STK17B: variants seen among roughly 807,000 people sequenced by gnomAD.
STK17B encodes the protein serine/threonine-protein kinase 17B.
Under a neutral mutation model 42.0 loss-of-function variants are expected in STK17B, and 21 were observed. The ratio of observed to expected loss-of-function variants is 0.50; its 90% CI spans 0.35 to 0.72. The LOEUF is 0.72. STK17B is among the 30% of genes least tolerant of loss of function. The pLI, the probability that STK17B is intolerant of heterozygous loss-of-function variation, is 0.00. For missense variants in STK17B, 349 were observed against 446.0 expected (o/e 0.78, Z 1.96); for synonymous variants, 143 against 148.4 (o/e 0.96, Z 0.26).
intron 3 of STK17B, chr2:196,151,308 A>G (rs1366347339): frequency 6.7e-5 from 10 of 150,244 alleles, no homozygotes; most frequent in Admixed American, 5.3e-4. Context: ...CAGTGGTGTG[A>G]TCTCGGCTCA....
intron 3 of STK17B, among the ~76,000 whole-genome samples, chr2:196,147,554 T>C (rs938142587): frequency 1.4e-4 from 21 of 152,102 alleles, no homozygotes; most frequent in Non-Finnish European, 2.9e-4. Context: ...AATTGAGCAA[T>C]CTAAACACAG....
chr2:196,150,753 T>C (rs961173004), intron 3 of STK17B, among the ~76,000 whole-genome samples: 6 of 152,222 alleles, frequency 3.9e-5, no homozygotes, highest in African/African-American at 9.6e-5. Context: ...GTTTTAAAAT[T>C]TGAATATTAA....
At chr2:196,161,837 G>C (rs1277694529) in intron 2 of STK17B, among the ~76,000 whole-genome samples, 1 of 151,848 alleles carries the variant, frequency 6.6e-6, no homozygotes, top group Non-Finnish European at 1.5e-5. Flanking sequence ...TTCTTATTTT[G>C]CAAAAGAAAG....
rs1699409129 is a variant in STK17B at position 196,136,584 on chromosome 2, CA to C, written c.*862del. The C allele has an allele frequency of 1.3e-5, 2 of 152,172 alleles. No individual in the cohort carries two copies. Among genetic ancestry groups the C allele is most frequent in the South Asian group, 4.1e-4 (2 of 4,828 alleles). 9.4% of individuals were successfully genotyped at this position (152,172 alleles called of 1,614,324 possible). ...AATTCAGTAAGCTGTCTGAGTGTGT[CA>C]ACATTTTCTTCTATATTCAATTAAT... is the stretch of plus-strand genomic sequence containing the variant. On this transcript the variant is annotated 3_prime_UTR_variant, in exon 8 of 8. Transcript: ENST00000263955.
upstream of STK17B, among the ~76,000 whole-genome samples, chr2:196,173,182 C>A (rs1389131908): frequency 6.6e-6 from 1 of 152,186 alleles, no homozygotes; most frequent in Non-Finnish European, 1.5e-5. Context: ...GTCACAATAC[C>A]TCTGCTGTAA....
At chr2:196,169,068 A>AT (rs571438990) in intron 1 of STK17B, among the ~76,000 whole-genome samples, 1,769 of 112,590 alleles carry the variant, frequency 0.016, 92 homozygotes, top group African/African-American at 0.037. Context: ...TAGGAATACT[A>AT]TTTTTTTTTT....
intron 1 of STK17B, among the ~76,000 whole-genome samples, chr2:196,164,038 C>CAATA (rs60492880): frequency 0.19 from 27,655 of 145,968 alleles, 2,788 homozygotes; most frequent in African/African-American, 0.25. Flanking sequence ...GATCTTATCT[C>CAATA]AATAAATAAA....
At chr2:196,161,583 A>G (rs1215176472) in intron 2 of STK17B, among the ~76,000 whole-genome samples, 1 of 126,652 alleles carries the variant, frequency 7.9e-6, no homozygotes, top group Non-Finnish European at 1.6e-5. Flanking sequence ...CAGTGGCATG[A>G]TATCGGCTCA....
In STK17B at chr2:196,137,178, T is replaced by C. The variant is rs1421897147; in HGVS notation, c.*269A>G. ...ACATTCTGGTAAGTTCATTTGAAGTTGAATTATTTCATTAACATGTAAACT... is the reference window on the plus strand; with the variant it reads ...ACATTCTGGTAAGTTCATTTGAAGTCGAATTATTTCATTAACATGTAAACT... On this transcript the variant is annotated 3_prime_UTR_variant, in exon 8 of 8. Coordinates refer to ENST00000263955, the MANE Select transcript of STK17B (RefSeq NM_004226.4). 1 of 369,470 alleles carries C rather than the reference T, an allele frequency of 2.7e-6. No homozygotes were observed. The highest frequency in any genetic ancestry group is 4.8e-6 in the Non-Finnish European group (1 of 206,350). The allele number at this position is 369,470 out of a possible 1,614,324, so 22.9% of individuals were successfully genotyped here. A position where few individuals can be genotyped will look rare whatever the true frequency, so the allele number is the denominator to read the frequency against.
At chr2:196,158,298 T>C (rs1034835829) in intron 2 of STK17B, among the ~76,000 whole-genome samples, 2 of 152,210 alleles carry the variant, frequency 1.3e-5, no homozygotes, top group African/African-American at 2.4e-5. Flanking sequence ...CTACTTTTTA[T>C]TACCCAAATT....
chr2:196,162,121 T>A (rs1415358835), intron 2 of STK17B, among the ~76,000 whole-genome samples: 1 of 152,208 alleles, frequency 6.6e-6, no homozygotes, highest in Non-Finnish European at 1.5e-5. Context: ...AACCCTTCAT[T>A]AAGCACCTTT....
chr2:196,162,560 A>G (rs1000085688), intron 2 of STK17B, among the ~76,000 whole-genome samples: 1 of 152,172 alleles, frequency 6.6e-6, no homozygotes, highest in East Asian at 1.9e-4. Flanking sequence ...GACAGACACA[A>G]TTATCTTCAC....
intron 1 of STK17B, among the ~76,000 whole-genome samples, chr2:196,164,073 T>TAAAGAAAGAAAG (rs900600959): frequency 6.0e-5 from 9 of 150,420 alleles, no homozygotes; most frequent in African/African-American, 2.2e-4. Flanking sequence ...AATAAATAAA[T>TAAAGAAAGAAAG]AAAGTTATAG....
At chr2:196,139,373 T>A (rs76060022) in intron 7 of STK17B, among the ~76,000 whole-genome samples, 1 of 152,220 alleles carries the variant, frequency 6.6e-6, no homozygotes, top group East Asian at 1.9e-4. Context: ...GGATTAGTAG[T>A]GGTTTGTGAG....
Position 196,143,656 on chromosome 2 carries a change from G to C in STK17B, c.511C>G (p.Pro171Ala). 2 of 1,585,884 alleles carry C rather than the reference G, an allele frequency of 1.3e-6. No homozygotes were observed. The highest frequency in any genetic ancestry group is 1.7e-6 in the Non-Finnish European group (2 of 1,166,748). ...TCTACTATTTTAATGTCCCCGAGAGGGTATATGCTGCTCAGTAATATATTC... is the reference window on the plus strand; with the variant it reads ...TCTACTATTTTAATGTCCCCGAGAGCGTATATGCTGCTCAGTAATATATTC... ...PQNILLSSIY[P>A]LGDIKIVDFG... Residue 171 changes from proline to alanine, a missense_variant, in exon 5 of 8, where the codon CCT (proline) becomes GCT (alanine). This residue lies in a region of STK17B where 256 missense variants were observed against 347.7 expected (regional missense o/e 0.74). Transcript: ENST00000263955.
intron 1 of STK17B, chr2:196,166,184 A>T (rs913856258): frequency 2.0e-5 from 3 of 152,174 alleles, no homozygotes; most frequent in Non-Finnish European, 4.4e-5. Context: ...GAGCCAAGAT[A>T]TTTTTCCATT....
At chr2:196,171,751 T>C (rs1170308478), upstream of STK17B, among the ~76,000 whole-genome samples, 9 of 130,920 alleles carry the variant, frequency 6.9e-5, no homozygotes, top group Middle Eastern at 7.8e-3. Context: ...GTGCGGCGCC[T>C]GGCTGGCCCG....
At chr2:196,149,356 G>A (rs1699630956) in intron 3 of STK17B, among the ~76,000 whole-genome samples, 1 of 152,036 alleles carries the variant, frequency 6.6e-6, no homozygotes, top group Admixed American at 6.6e-5. Context: ...AGTGGAGACT[G>A]GGTTTCACCG....
At chr2:196,153,946 A>C (rs562048107) in intron 3 of STK17B, 3 of 152,194 alleles carry the variant, frequency 2.0e-5, no homozygotes, top group East Asian at 3.8e-4. Flanking sequence ...AAAGTTAAGA[A>C]GATAATATTG....
Sources: gnomAD v4.1 joint callset for allele counts (sites outside exome capture counted in the v4.1 genomes callset) on GRCh38, gnomAD v4.1.1 for gene constraint, gnomAD v4.1.1 regional missense constraint, MANE v1.5 for transcripts, NCBI Gene and HGNC (gene_info 2026-07-23, HGNC 2026-07-21) for gene names.